Variants in PRRC2B observed in about 807,000 individuals in gnomAD.
PRRC2B encodes the protein proline rich coiled-coil 2B, also known as protein PRRC2B.
In PRRC2B, 68 loss-of-function variants were observed where a neutral mutation model predicts 242.3. The observed-to-expected ratio is 0.28, with a 90% confidence interval of 0.23 to 0.34. The LOEUF is 0.34. PRRC2B is among the 10% of genes least tolerant of loss of function. The probability of loss-of-function intolerance (pLI) is 1.00; values close to 1 mark genes in which losing one functional copy is unlikely to be tolerated. For missense variants in PRRC2B, 2,835 were observed against 2,954.8 expected, an observed-to-expected ratio of 0.96 and a Z score of 0.94; for synonymous variants, 1,228 against 1,173.6, an observed-to-expected ratio of 1.05 and a Z score of -0.95.
At chr9:131,422,642 A>T (rs1274372925) in intron 1 of PRRC2B, among the ~76,000 whole-genome samples, 1 of 152,220 alleles carries the variant, frequency 6.6e-6, no homozygotes, top group East Asian at 1.9e-4. Context: ...ATGGCTTTTG[A>T]TAAATTAATT....
chr9:131,381,545 A>G (rs1296889220), intron 1 of PRRC2B, among the ~76,000 whole-genome samples: 4 of 137,966 alleles, frequency 2.9e-5, no homozygotes, highest in African/African-American at 1.1e-4. Flanking sequence ...CAGCCTCCTG[A>G]GTAGTTGGGA....
chr9:131,469,297 G>C (rs1432063020), intron 13 of PRRC2B, among the ~76,000 whole-genome samples: 1 of 152,118 alleles, frequency 6.6e-6, no homozygotes, highest in African/African-American at 2.4e-5. Flanking sequence ...TCGCACCACT[G>C]CCTTCCAGCC....
intron 1 of PRRC2B, among the ~76,000 whole-genome samples, chr9:131,420,018 C>G (rs769659445): frequency 6.6e-6 from 1 of 152,108 alleles, no homozygotes; most frequent in Non-Finnish European, 1.5e-5. Flanking sequence ...GGAGAACCCC[C>G]CAGTTCTCCA....
chr9:131,441,705 A>T (rs555042860), intron 5 of PRRC2B, among the ~76,000 whole-genome samples: 1 of 152,090 alleles, frequency 6.6e-6, no homozygotes, highest in Non-Finnish European at 1.5e-5. Flanking sequence ...TGTTGCCCAC[A>T]AGTGTTTTCA....
At chr9:131,471,369 G>A (rs1449328006) in intron 14 of PRRC2B, among the ~76,000 whole-genome samples, 2 of 151,528 alleles carry the variant, frequency 1.3e-5, no homozygotes, top group East Asian at 3.9e-4. Flanking sequence ...AACTTATTTG[G>A]GTTTTATTTT....
chr9:131,468,279 G>C (rs1017665456), intron 13 of PRRC2B, among the ~76,000 whole-genome samples: 2 of 152,116 alleles, frequency 1.3e-5, no homozygotes, highest in Non-Finnish European at 2.9e-5. Context: ...TGTTGCTGCT[G>C]AACTAGTTGT....
At chr9:131,385,151 G>GCGCCCGCCAC (rs1554756386) in intron 1 of PRRC2B, among the ~76,000 whole-genome samples, 76 of 149,916 alleles carry the variant, frequency 5.1e-4, no homozygotes, top group East Asian at 1.6e-3. Flanking sequence ...GGGATTACAG[G>GCGCCCGCCAC]CATGAGCTAC....
chr9:131,426,881 C>T (rs1837990644), intron 1 of PRRC2B, among the ~76,000 whole-genome samples: 2 of 152,236 alleles, frequency 1.3e-5, no homozygotes, highest in Admixed American at 6.5e-5. Flanking sequence ...TGCTCCTGCA[C>T]ATTTGCAAAC....
At position 131,499,746 on chromosome 9, in the gene PRRC2B, C is replaced by CA. The variant is rs1944418111; in HGVS notation, c.*3873dup. 6.6e-6 allele frequency: 1 copy of CA among 152,194 alleles called. No individual in the cohort carries two copies. The highest frequency in any genetic ancestry group is 1.5e-5 in the Non-Finnish European group (1 of 68,038). 9.4% of individuals were successfully genotyped at this position (152,194 alleles called of 1,614,324 possible). ...CCATCTTCAGCATGTTCTGAAGCCT[C>CA]AGAGTGGAAATTCCTGCTAAGGCTC... On this transcript the variant is annotated 3_prime_UTR_variant, in exon 32 of 32. Transcript: ENST00000683519.
At chr9:131,495,584 A>G (rs1564304881) in intron 31 of PRRC2B, among the ~76,000 whole-genome samples, 156 bp from the exon 32 acceptor site, 1 of 152,040 alleles carries the variant, frequency 6.6e-6, no homozygotes, top group African/African-American at 2.4e-5. Context: ...CCTTACTAGG[A>G]GGGGGGTTTC....
intron 12 of PRRC2B, among the ~76,000 whole-genome samples, chr9:131,465,372 A>G (rs1468431523): frequency 1.3e-5 from 2 of 152,156 alleles, no homozygotes; most frequent in African/African-American, 4.8e-5. Flanking sequence ...ATAGTACCCA[A>G]CAGGTAGTTT....
At chr9:131,422,871 C>A (rs943665230) in intron 1 of PRRC2B, among the ~76,000 whole-genome samples, 1 of 152,136 alleles carries the variant, frequency 6.6e-6, no homozygotes, top group Non-Finnish European at 1.5e-5. Flanking sequence ...TTGATTTGTT[C>A]CCAAATCTAT....
chr9:131,444,479 A>T (rs1314768684), intron 6 of PRRC2B, among the ~76,000 whole-genome samples, 151 bp downstream of exon 6: 1 of 152,102 alleles, frequency 6.6e-6, no homozygotes, highest in African/African-American at 2.4e-5. Context: ...CTGTGCATCC[A>T]TTGGACTTGC....
chr9:131,405,998 G>A (rs1837350452), intron 1 of PRRC2B, among the ~76,000 whole-genome samples: 1 of 152,170 alleles, frequency 6.6e-6, no homozygotes. Context: ...AGGATTCAGA[G>A]GGTCATGTGC....
chr9:131,489,625 T>C (rs978239799), intron 28 of PRRC2B, among the ~76,000 whole-genome samples: 12 of 152,130 alleles, frequency 7.9e-5, no homozygotes, highest in African/African-American at 2.9e-4. Context: ...TTTTCAGACT[T>C]GCATCTTGCC....
intron 3 of PRRC2B, among the ~76,000 whole-genome samples, chr9:131,435,264 C>G (rs11243396): frequency 1.9e-3 from 288 of 149,588 alleles, no homozygotes; most frequent in Non-Finnish European, 3.5e-3. Context: ...TGCCACTGCA[C>G]TTTAGCCAGA....
In PRRC2B at chr9:131,446,345, G is replaced by C; in HGVS notation, c.614-56G>C. The stretch of plus-strand genomic sequence containing the variant: ...TCCCTTGACCTTCAGAACCTCATAC[G>C]ATCCCTCCTTCCCCCTCCTCTTCCC... On this transcript the variant is annotated intron_variant, in intron 6 of 31. Coordinates refer to ENST00000683519, the MANE Select transcript of PRRC2B (RefSeq NM_013318.4). The surrounding 1 kb of genome is among the most constrained non-coding windows in gnomAD (Gnocchi z 4.1). 6.3e-7 allele frequency: 1 copy of C among 1,595,182 alleles called. No homozygotes were observed. The highest frequency in any genetic ancestry group is 8.5e-7 in the Non-Finnish European group (1 of 1,169,882).
At chr9:131,486,608 G>A in intron 26 of PRRC2B, 2 of 923,846 alleles carry the variant, frequency 2.2e-6, no homozygotes, top group South Asian at 1.0e-4. Context: ...TGCTGCCAAG[G>A]GGTGATTTTT....
intron 10 of PRRC2B, 57 bp downstream of exon 10, chr9:131,455,223 G>A: frequency 1.6e-6 from 2 of 1,242,394 alleles, no homozygotes; most frequent in Non-Finnish European, 2.3e-6. Flanking sequence ...GTGTTGTTGT[G>A]TACCCAGAGC....
Sources: allele counts gnomAD v4.1 joint callset (sites outside exome capture counted in the v4.1 genomes callset), GRCh38; gene constraint gnomAD v4.1.1; non-coding constraint Gnocchi (gnomAD v3.1); transcripts MANE v1.5; gene names NCBI Gene and HGNC (gene_info 2026-07-23, HGNC 2026-07-21).